The following IQGAP2 variants were observed in gnomAD, a reference collection of about 807,000 sequenced individuals.
IQGAP2 encodes IQ motif containing GTPase activating protein 2, also known as ras GTPase-activating-like protein IQGAP2.
Under a neutral mutation model 201.3 loss-of-function variants are expected in IQGAP2, and 173 were observed. The ratio of observed to expected loss-of-function variants is 0.86; its 90% CI spans 0.76 to 0.98. The LOEUF is 0.98. Among genes scored for constraint, IQGAP2 ranks in the 50% least tolerant of loss-of-function variants. The probability of loss-of-function intolerance (pLI) is 0.00; values close to 1 mark genes in which losing one functional copy is unlikely to be tolerated. For missense variants in IQGAP2, 1,687 were observed against 1,864.8 expected, an observed-to-expected ratio of 0.90 and a Z score of 1.76; for synonymous variants, 675 against 673.9, an observed-to-expected ratio of 1.00 and a Z score of -0.03.
chr5:76,640,282 T>G (rs1195612262), intron 16 of IQGAP2, among the ~76,000 whole-genome samples: 3 of 152,206 alleles, frequency 2.0e-5, no homozygotes, highest in Admixed American at 6.5e-5. Context: ...GAAGTGACAG[T>G]CCAGTCTTTC....
At chr5:76,496,649 A>G (rs1165307167) in intron 2 of IQGAP2, among the ~76,000 whole-genome samples, 1 of 152,012 alleles carries the variant, frequency 6.6e-6, no homozygotes, top group African/African-American at 2.4e-5. Flanking sequence ...TCATATTCAC[A>G]TGTGTTTCAA....
At chr5:76,644,340 C>T (rs1751858957) in intron 17 of IQGAP2, among the ~76,000 whole-genome samples, 1 of 72,438 alleles carries the variant, frequency 1.4e-5, no homozygotes, top group South Asian at 5.3e-4. Context: ...TGCTCTGTCG[C>T]CCAGGCTGGA....
intron 13 of IQGAP2, chr5:76,616,649 CAAGACCA>C (rs1306155373): frequency 6.6e-6 from 1 of 152,440 alleles, no homozygotes; most frequent in African/African-American, 2.4e-5. Context: ...ACCAGGAGTT[CAAGACCA>C]GCCTGGGCAA....
rs1487663978 is a variant in IQGAP2 at position 76,592,920 on chromosome 5, T to C, written c.902T>C (p.Val301Ala). The C allele has an allele frequency of 6.3e-7, 1 of 1,595,026 alleles. No homozygotes were observed. The highest frequency in any genetic ancestry group is 8.6e-7 in the Non-Finnish European group (1 of 1,162,800). The change falls in exon 9 of 36, where the codon GTC becomes GCC. Residue 301 changes from valine to alanine, a missense_variant. Transcript: ENST00000274364. ...QAEIQGNINKVNRQAAVDHIN... is the reference protein window; with the variant it reads ...QAEIQGNINKANRQAAVDHIN... ...GAAATCCAAGGCAATATTAATAAAG[T>C]CAACAGTAAGTAATGGATCGTATGA...
Position 76,597,432 on chromosome 5 carries a change from T to C in IQGAP2, c.908-7T>C. Reference sequence around the variant, plus strand: ...CATTCTGACAAAACATGAACCCCCATCCTCAGGGCAGGCTGCAGTGGACCA... The same window carrying C: ...CATTCTGACAAAACATGAACCCCCACCCTCAGGGCAGGCTGCAGTGGACCA... On this transcript the variant is annotated splice_region_variant and splice_polypyrimidine_tract_variant and intron_variant, in intron 9 of 35. Transcript: ENST00000274364. The C allele has an allele frequency of 6.2e-7, 1 of 1,613,414 alleles. No homozygotes were observed. The highest frequency in any genetic ancestry group is 8.5e-7 in the Non-Finnish European group (1 of 1,179,754).
chr5:76,573,909 C>A (rs555778993), intron 4 of IQGAP2, among the ~76,000 whole-genome samples: 1 of 151,900 alleles, frequency 6.6e-6, no homozygotes, highest in African/African-American at 2.4e-5. Context: ...CCAGCTAATA[C>A]TCTTCTGAAT....
chr5:76,616,843 A>G (rs1749021359), intron 13 of IQGAP2: 1 of 152,164 alleles, frequency 6.6e-6, no homozygotes, highest in Admixed American at 6.6e-5. Context: ...ACGAAGCGAG[A>G]CACTGTCTCT....
At chr5:76,671,685 C>A in intron 23 of IQGAP2, 74 bp from the exon 24 acceptor site, 2 of 993,120 alleles carry the variant, frequency 2.0e-6, no homozygotes, top group Non-Finnish European at 2.9e-6. Context: ...AAGACTGTCT[C>A]GGGGAAAAAA....
chr5:76,674,729 T>G lies in IQGAP2; in HGVS notation c.3527+20T>G. The stretch of plus-strand genomic sequence containing the variant: ...ATTCAGGTGAGAGGGGCCCTTAGTT[T>G]TGGAGAAACGTGCAAGAATGGTAGG... On this transcript the variant is annotated intron_variant, in intron 27 of 35. Coordinates refer to ENST00000274364, the MANE Select transcript of IQGAP2 (RefSeq NM_006633.5). 1 of 1,542,932 alleles carries G rather than the reference T, an allele frequency of 6.5e-7. No individual in the cohort carries two copies. Among genetic ancestry groups the G allele is most frequent in the Non-Finnish European group, 9.0e-7 (1 of 1,115,652 alleles).
chr5:76,464,356 TAGTAC>T (rs1754658105), intron 2 of IQGAP2, among the ~76,000 whole-genome samples: 1 of 152,224 alleles, frequency 6.6e-6, no homozygotes. Flanking sequence ...TTTAAAGTAT[TAGTAC>T]CTTTGGAATT....
intron 1 of IQGAP2, among the ~76,000 whole-genome samples, chr5:76,426,822 C>T (rs987186863): frequency 2.6e-5 from 4 of 152,064 alleles, no homozygotes; most frequent in African/African-American, 4.8e-5. Context: ...GATGAAAGGA[C>T]AGGGCCCCTG....
chr5:76,623,306 A>G, intron 13 of IQGAP2: 1 of 1,541,098 alleles, frequency 6.5e-7, no homozygotes, highest in Admixed American at 1.7e-5. Context: ...CCTCAGTTCC[A>G]TGTGTCAGCA....
At chr5:76,428,306 GAGA>G (rs1251414179) in intron 1 of IQGAP2, among the ~76,000 whole-genome samples, 2 of 152,112 alleles carry the variant, frequency 1.3e-5, no homozygotes, top group African/African-American at 4.8e-5. Context: ...CCTGGGAAGG[GAGA>G]AGGAGTAGGG....
At chr5:76,420,338 T>G (rs2150079969) in intron 1 of IQGAP2, among the ~76,000 whole-genome samples, 2 of 152,188 alleles carry the variant, frequency 1.3e-5, no homozygotes, top group South Asian at 4.1e-4. Flanking sequence ...TACATTCACA[T>G]TGTTGTATAA....
chr5:76,637,143 T>A lies in IQGAP2; in HGVS notation c.1890T>A (p.Tyr630Ter). The change falls in exon 16 of 36, where the codon TAT (tyrosine) becomes TAA (stop). Residue 630 changes from tyrosine (Y) to a stop codon, truncating the protein, a stop_gained. Transcript: ENST00000274364. LOFTEE classifies it high-confidence loss of function. The stretch of plus-strand genomic sequence containing the variant: ...GGGTCACACCTGAATCATGCTTGTA[T>A]AAAGAATCATGGCTCACAGGAAAAG... Reference protein sequence around the residue: ...SSWVTPESCLYKESWLTGKEI... With the variant: ...SSWVTPESCL 6.2e-7 allele frequency: 1 copy of A among 1,609,658 alleles called. No individual in the cohort carries two copies. Among genetic ancestry groups the A allele is most frequent in the South Asian group, 1.1e-5 (1 of 90,160 alleles).
chr5:76,658,316 G>C, intron 20 of IQGAP2, 143 bp from the exon 21 acceptor site: 1 of 695,244 alleles, frequency 1.4e-6, no homozygotes. Context: ...AAATTGTGTG[G>C]GGGTGGGTAG....
rs539746681 is a variant in IQGAP2, at chr5:76,645,095, C to T, written c.2094+3992C>T. On this transcript the variant is annotated intron_variant, in intron 17 of 35. Coordinates refer to ENST00000274364, the MANE Select transcript of IQGAP2 (RefSeq NM_006633.5). ...ACTCCTACTTATGAGTGAGAACATGCGGTGTTTGGTTTTCTGTTCCTGTGT... is the reference window on the plus strand; with the variant it reads ...ACTCCTACTTATGAGTGAGAACATGTGGTGTTTGGTTTTCTGTTCCTGTGT... Among the ~76,000 whole-genome samples the T allele has an allele frequency of 8.4e-3, 1,273 of 152,040 alleles. 10 individuals are homozygous for T. Among genetic ancestry groups the T allele is most frequent in the African/African-American group, 0.029 (1,188 of 41,438 alleles).
intron 8 of IQGAP2, among the ~76,000 whole-genome samples, chr5:76,591,795 T>A (rs1187658262): frequency 6.6e-6 from 1 of 152,196 alleles, no homozygotes. Context: ...TGCCAGCCCA[T>A]CCCAAATTGG....
At chr5:76,693,543 A>G (rs1289217955) in intron 31 of IQGAP2, 101 bp downstream of exon 31, 3 of 792,002 alleles carry the variant, frequency 3.8e-6, no homozygotes, top group African/African-American at 1.7e-5. Context: ...TGTATCTGAC[A>G]TGGTCCGGAA....
Sources: allele counts gnomAD v4.1 joint callset (sites outside exome capture counted in the v4.1 genomes callset), GRCh38; gene constraint gnomAD v4.1.1; transcripts MANE v1.5; gene names NCBI Gene and HGNC (gene_info 2026-07-23, HGNC 2026-07-21).